NELL2: variants seen among roughly 807,000 people sequenced by gnomAD.
NELL2 encodes the protein neural EGFL like 2.
In NELL2, 41 loss-of-function variants were observed where a neutral mutation model predicts 109.6. That is an observed-to-expected ratio of 0.37 (90% CI 0.29 to 0.49). NELL2 has a LOEUF of 0.49. Among genes scored for constraint, NELL2 ranks in the 20% least tolerant of loss-of-function variants. The pLI, the probability that NELL2 is intolerant of heterozygous loss-of-function variation, is 0.98. For missense variants in NELL2, 900 were observed against 1,008.3 expected, an observed-to-expected ratio of 0.89 and a Z score of 1.45; for synonymous variants, 355 against 344.7, an observed-to-expected ratio of 1.03 and a Z score of -0.33.
chr12:44,658,212 A>C (rs2136327063), intron 13 of NELL2, among the ~76,000 whole-genome samples: 2 of 152,340 alleles, frequency 1.3e-5, no homozygotes, highest in East Asian at 1.9e-4. Flanking sequence ...GTCTCAGCCC[A>C]AAATCTCTTT....
upstream of NELL2, among the ~76,000 whole-genome samples, chr12:44,916,763 G>A (rs1467319345): frequency 6.6e-6 from 1 of 152,106 alleles, no homozygotes; most frequent in African/African-American, 2.4e-5. Flanking sequence ...TTGAACACCA[G>A]TACCATAGAA....
chr12:44,701,156 C>T (rs1280018970), intron 12 of NELL2, among the ~76,000 whole-genome samples: 1 of 151,874 alleles, frequency 6.6e-6, no homozygotes, highest in African/African-American at 2.4e-5. Context: ...AGTTAGCAAC[C>T]ATGCCATAAT....
chr12:44,618,120 AT>A (rs1279040860), intron 13 of NELL2, among the ~76,000 whole-genome samples: 1 of 152,182 alleles, frequency 6.6e-6, no homozygotes, highest in East Asian at 1.9e-4. Flanking sequence ...ACAGAAATCT[AT>A]TTTTAATGCT....
At chr12:44,545,395 T>C (rs1196976632) in intron 15 of NELL2, among the ~76,000 whole-genome samples, 4 of 152,122 alleles carry the variant, frequency 2.6e-5, no homozygotes, top group African/African-American at 9.6e-5. Context: ...AAAGTATTTA[T>C]TCATTCATTT....
Position 44,616,286 on chromosome 12 carries a change from C to T in NELL2, c.1445-5316G>A, listed in dbSNP as rs1269723360. ...TATATTGCCTATCTTGCATCTTCTA[C>T]TCTTCTGTTCAAATTTTAAAATGTT... On this transcript the variant is annotated intron_variant, in intron 13 of 19. Coordinates refer to ENST00000429094, the MANE Select transcript of NELL2 (RefSeq NM_001145108.2). 2.3e-4 allele frequency among the ~76,000 whole-genome samples: 35 copies of T among 152,192 alleles called. 1 individual carries two copies. The highest frequency in any genetic ancestry group is 2.2e-3 in the Admixed American group (34 of 15,280).
chr12:44,818,249 A>G (rs1943418983), intron 2 of NELL2, among the ~76,000 whole-genome samples: 2 of 152,226 alleles, frequency 1.3e-5, no homozygotes, highest in South Asian at 2.1e-4. Context: ...GTTAACTTTT[A>G]ATTCATTCTA....
chr12:44,826,512 G>T (rs1173963900), intron 2 of NELL2, among the ~76,000 whole-genome samples: 1 of 152,046 alleles, frequency 6.6e-6, no homozygotes, highest in Non-Finnish European at 1.5e-5. Flanking sequence ...AATTTTAAAA[G>T]CCATTAAAAT....
chr12:44,763,727 G>A (rs763949693), intron 9 of NELL2, among the ~76,000 whole-genome samples: 5 of 152,102 alleles, frequency 3.3e-5, no homozygotes, highest in Non-Finnish European at 7.4e-5. Flanking sequence ...AAGTGGTACA[G>A]AGCACAATTC....
At chr12:44,903,890 G>T (rs1013288262) in intron 1 of NELL2, among the ~76,000 whole-genome samples, 1 of 151,728 alleles carries the variant, frequency 6.6e-6, no homozygotes, top group African/African-American at 2.4e-5. Flanking sequence ...GCCTGTCGGG[G>T]GGTGGGGGCA....
At chr12:44,865,215 TTG>T (rs1480996648) in intron 2 of NELL2, among the ~76,000 whole-genome samples, 1 of 112,856 alleles carries the variant, frequency 8.9e-6, no homozygotes, top group Non-Finnish European at 1.8e-5. Flanking sequence ...TTTGATGGGG[TTG>T]TTTGTTTTTT....
chr12:44,810,516 A>G (rs1041162130), intron 3 of NELL2, among the ~76,000 whole-genome samples: 1 of 152,248 alleles, frequency 6.6e-6, no homozygotes, highest in African/African-American at 2.4e-5. Flanking sequence ...AAAAGTATGC[A>G]AAAATAAAGG....
intron 14 of NELL2, among the ~76,000 whole-genome samples, chr12:44,610,254 AC>A (rs1945566426): frequency 1.4e-5 from 2 of 147,908 alleles, no homozygotes; most frequent in African/African-American, 2.5e-5. Context: ...AAAAAAAAAA[AC>A]AAAAAAAAAA....
At chr12:44,748,100 A>G (rs1000187392) in intron 9 of NELL2, among the ~76,000 whole-genome samples, 6 of 152,194 alleles carry the variant, frequency 3.9e-5, no homozygotes, top group Non-Finnish European at 7.4e-5. Flanking sequence ...AAGTGTGGAC[A>G]GAGTAAATTA....
At chr12:44,850,757 T>C (rs911144325) in intron 2 of NELL2, among the ~76,000 whole-genome samples, 3 of 152,152 alleles carry the variant, frequency 2.0e-5, no homozygotes, top group Non-Finnish European at 4.4e-5. Flanking sequence ...ATAATTTGAA[T>C]AAATAGGCAA....
At chr12:44,588,048 G>T (rs1356325195) in intron 15 of NELL2, among the ~76,000 whole-genome samples, 1 of 152,002 alleles carries the variant, frequency 6.6e-6, no homozygotes, top group African/African-American at 2.4e-5. Context: ...CCACTCGGGA[G>T]GCTGAGGCGG....
chr12:44,550,653 G>T (rs1462972448), intron 15 of NELL2, among the ~76,000 whole-genome samples: 1 of 152,012 alleles, frequency 6.6e-6, no homozygotes, highest in Non-Finnish European at 1.5e-5. Context: ...GGAAATTGTG[G>T]TATATACATA....
chr12:44,714,863 A>C (rs180795215), intron 9 of NELL2, 122 bp from the exon 10 acceptor site: 74 of 495,172 alleles, frequency 1.5e-4, no homozygotes, highest in African/African-American at 1.4e-3. Context: ...ATGACTAACC[A>C]GAAACCTCAA....
At chr12:44,763,457 C>A (rs756891149) in intron 9 of NELL2, among the ~76,000 whole-genome samples, 1 of 152,134 alleles carries the variant, frequency 6.6e-6, no homozygotes, top group Non-Finnish European at 1.5e-5. Flanking sequence ...AAAGGATTAG[C>A]CTCCTAAATC....
intron 13 of NELL2, among the ~76,000 whole-genome samples, chr12:44,612,496 A>C (rs957281890): frequency 6.6e-6 from 1 of 151,772 alleles, no homozygotes; most frequent in Non-Finnish European, 1.5e-5. Context: ...CTAGTATCAC[A>C]GAACATTTCA....
Sources: gnomAD v4.1 joint callset for allele counts (sites outside exome capture counted in the v4.1 genomes callset) on GRCh38, gnomAD v4.1.1 for gene constraint, MANE v1.5 for transcripts, NCBI Gene and HGNC (gene_info 2026-07-23, HGNC 2026-07-21) for gene names.